Variants in CACNA2D2 observed in about 807,000 individuals in gnomAD.
CACNA2D2 encodes the protein voltage-dependent calcium channel subunit alpha-2/delta-2.
Under a neutral mutation model 166.4 loss-of-function variants are expected in CACNA2D2, and 48 were observed. That is an observed-to-expected ratio of 0.29 (90% CI 0.23 to 0.37). The LOEUF is 0.37. CACNA2D2 is among the 10% of genes least tolerant of loss of function. CACNA2D2 has a pLI of 1.00. For synonymous variants in CACNA2D2, 561 were observed against 573.7 expected (o/e 0.98, Z 0.32); for missense variants, 1,122 against 1,433.0 (o/e 0.78, Z 3.50).
At chr3:50,501,983 T>C (rs1026281598) in intron 1 of CACNA2D2, among the ~76,000 whole-genome samples, 2 of 152,110 alleles carry the variant, frequency 1.3e-5, no homozygotes, top group Admixed American at 1.3e-4. Context: ...AGCCAGGCTG[T>C]GCAATGAGAG....
intron 2 of CACNA2D2, among the ~76,000 whole-genome samples, chr3:50,438,511 A>G (rs1235146243): frequency 6.6e-6 from 1 of 152,106 alleles, no homozygotes; most frequent in Non-Finnish European, 1.5e-5. Flanking sequence ...TGTAAGTGGG[A>G]GGCGAGCCTG....
chr3:50,409,224 A>G (rs1318406917), intron 3 of CACNA2D2, among the ~76,000 whole-genome samples: 2 of 152,230 alleles, frequency 1.3e-5, no homozygotes, highest in Non-Finnish European at 2.9e-5. Flanking sequence ...TGCTGGCCAC[A>G]TGGAGGCCGA....
chr3:50,484,693 C>T (rs1206057502), intron 1 of CACNA2D2, among the ~76,000 whole-genome samples: 1 of 152,280 alleles, frequency 6.6e-6, no homozygotes, highest in Non-Finnish European at 1.5e-5. Context: ...CTCCACGTCC[C>T]CTCCTGGGGT....
intron 3 of CACNA2D2, among the ~76,000 whole-genome samples, chr3:50,406,512 A>AC (rs1415232687): frequency 2.6e-5 from 4 of 151,470 alleles, no homozygotes; most frequent in Non-Finnish European, 5.9e-5. Context: ...TACTCCATTC[A>AC]CCATCATCCC....
At chr3:50,456,169 G>A (rs1247686981) in intron 2 of CACNA2D2, among the ~76,000 whole-genome samples, 1 of 152,224 alleles carries the variant, frequency 6.6e-6, no homozygotes, top group Non-Finnish European at 1.5e-5. Context: ...ATTTGCCTGA[G>A]GCTAGCAATG....
At chr3:50,429,702 G>A (rs1210160801) in intron 3 of CACNA2D2, among the ~76,000 whole-genome samples, 3 of 151,270 alleles carry the variant, frequency 2.0e-5, no homozygotes, top group South Asian at 2.1e-4. Flanking sequence ...CCCGGGAGGC[G>A]GAGCTTACAG....
chr3:50,396,455 C>T (rs1045670830), intron 3 of CACNA2D2, among the ~76,000 whole-genome samples: 7 of 152,168 alleles, frequency 4.6e-5, no homozygotes, highest in Non-Finnish European at 1.0e-4. Flanking sequence ...TTCTCCAGGT[C>T]CTGTAGGGCC....
chr3:50,482,575 C>A (rs367941339), intron 1 of CACNA2D2, among the ~76,000 whole-genome samples: 1 of 152,206 alleles, frequency 6.6e-6, no homozygotes, highest in Non-Finnish European at 1.5e-5. Context: ...TGACGGCTGC[C>A]CCACACACTC....
chr3:50,383,161 C>A (rs1705419758), intron 6 of CACNA2D2, among the ~76,000 whole-genome samples: 1 of 152,176 alleles, frequency 6.6e-6, no homozygotes, highest in South Asian at 2.1e-4. Flanking sequence ...AATTAGTGTG[C>A]CTGCCTGTGA....
chr3:50,370,598 G>A (rs1175226284), intron 22 of CACNA2D2, among the ~76,000 whole-genome samples: 3 of 152,190 alleles, frequency 2.0e-5, no homozygotes, highest in East Asian at 3.9e-4. Flanking sequence ...CGCAGGAGGA[G>A]GGCAGTTATA....
Position 50,376,105 on chromosome 3 carries a change from C to G in CACNA2D2, c.1701+9G>C. ...TTTGCCCACCCTCCAGGCCACCCGT[C>G]TGGCTCACCTGGGGCTTGAGATTGG... On this transcript the variant is annotated intron_variant, in intron 18 of 37. Coordinates refer to ENST00000424201, the MANE Select transcript of CACNA2D2 (RefSeq NM_006030.4). The surrounding 1 kb of genome is among the most constrained non-coding windows in gnomAD (Gnocchi z 4.3). 6.2e-7 allele frequency: 1 copy of G among 1,613,426 alleles called. No homozygotes were observed. Among genetic ancestry groups the G allele is most frequent in the Non-Finnish European group, 8.5e-7 (1 of 1,180,002 alleles).
chr3:50,477,796 T>C (rs948800873), intron 1 of CACNA2D2, among the ~76,000 whole-genome samples: 1 of 151,954 alleles, frequency 6.6e-6, no homozygotes, highest in African/African-American at 2.4e-5. Context: ...GTACAGGAGA[T>C]TGCATCTGGT....
intron 1 of CACNA2D2, among the ~76,000 whole-genome samples, chr3:50,495,099 T>C (rs1236252231): frequency 6.6e-6 from 1 of 152,252 alleles, no homozygotes; most frequent in Non-Finnish European, 1.5e-5. Context: ...ACAGAGTATG[T>C]GCAGCCACAG....
chr3:50,383,725 G>A (rs781667729), intron 6 of CACNA2D2, among the ~76,000 whole-genome samples: 1 of 152,176 alleles, frequency 6.6e-6, no homozygotes, highest in Admixed American at 6.5e-5. Context: ...AAGGAGGGTA[G>A]TGTCATAGGG....
chr3:50,478,910 T>C (rs544194424), intron 1 of CACNA2D2, among the ~76,000 whole-genome samples: 1 of 152,356 alleles, frequency 6.6e-6, no homozygotes, highest in African/African-American at 2.4e-5. Context: ...CAGCAGCACA[T>C]TACTGATTCC....
chr3:50,377,733 T>G lies in CACNA2D2; in HGVS notation c.1550A>C (p.Lys517Thr). 6.2e-7 allele frequency: 1 copy of G among 1,611,666 alleles called. No individual in the cohort carries two copies. Among genetic ancestry groups the G allele is most frequent in the South Asian group, 1.1e-5 (1 of 90,840 alleles). The change falls in exon 16 of 38, where the codon AAG (lysine) becomes ACG (threonine). Residue 517 changes from lysine to threonine, a missense_variant and splice_region_variant. Physicochemically the swap from Lys to Thr is moderately conservative, Grantham distance 78 (BLOSUM62 -1). This residue lies in a region of CACNA2D2 where 840 missense variants were observed against 1,166.8 expected (regional missense o/e 0.72). Coordinates refer to ENST00000424201, the MANE Select transcript of CACNA2D2 (RefSeq NM_006030.4). ...GCCCCAACCCTCCCCTTTCCTCACC[T>G]TCTTTTCCCCAGGGCCATCCTGTGT... ...NLTQDGPGEKKNQLILGVMGI... is the reference protein window; with the variant it reads ...NLTQDGPGEKTNQLILGVMGI...
chr3:50,465,758 G>A (rs1459825643), intron 2 of CACNA2D2, among the ~76,000 whole-genome samples: 2 of 152,174 alleles, frequency 1.3e-5, no homozygotes, highest in Non-Finnish European at 2.9e-5. Context: ...AGAGGAAACT[G>A]GATTGTGACA....
intron 3 of CACNA2D2, among the ~76,000 whole-genome samples, chr3:50,412,948 C>T (rs751532719): frequency 6.6e-6 from 1 of 152,204 alleles, no homozygotes; most frequent in Non-Finnish European, 1.5e-5. Context: ...ATTAGGGTGA[C>T]TGCCAGGGCC....
chr3:50,366,727 C>T lies in CACNA2D2; in HGVS notation c.2590-102G>A. On this transcript the variant is annotated intron_variant, in intron 29 of 37. Coordinates refer to ENST00000424201, the MANE Select transcript of CACNA2D2 (RefSeq NM_006030.4). The surrounding 1 kb of genome is among the most constrained non-coding windows in gnomAD (Gnocchi z 5.9). Reference sequence around the variant, plus strand: ...CCCAGGCCATCTGCAGCTGGCCCTGCCTCCATGTAGGTGTTGGAGCCACTG... The same window carrying T: ...CCCAGGCCATCTGCAGCTGGCCCTGTCTCCATGTAGGTGTTGGAGCCACTG... 6.5e-7 allele frequency: 1 copy of T among 1,549,476 alleles called. No homozygotes were observed. Among genetic ancestry groups the T allele is most frequent in the Non-Finnish European group, 8.9e-7 (1 of 1,125,558 alleles).
Sources: gnomAD v4.1 joint callset for allele counts (sites outside exome capture counted in the v4.1 genomes callset) on GRCh38, gnomAD v4.1.1 for gene constraint, gnomAD v4.1.1 regional missense constraint, Gnocchi (gnomAD v3.1) non-coding constraint, MANE v1.5 for transcripts, NCBI Gene and HGNC (gene_info 2026-07-23, HGNC 2026-07-21) for gene names.